Variants in KDM4C observed in about 807,000 individuals in gnomAD.
The protein encoded by KDM4C is lysine demethylase 4C.
In KDM4C, 81 loss-of-function variants were observed where a neutral mutation model predicts 129.3. The ratio of observed to expected loss-of-function variants is 0.63; its 90% CI spans 0.52 to 0.75. The LOEUF (loss-of-function observed/expected upper bound fraction) is 0.75. Among genes scored for constraint, KDM4C ranks in the 30% least tolerant of loss-of-function variants. KDM4C has a pLI of 0.00. For missense variants in KDM4C, 1,457 were observed against 1,304.0 expected, an observed-to-expected ratio of 1.12 and a Z score of -1.81; for synonymous variants, 573 against 456.1, an observed-to-expected ratio of 1.26 and a Z score of -3.26.
intron 18 of KDM4C, among the ~76,000 whole-genome samples, chr9:7,106,326 C>A (rs1456208539): frequency 6.6e-6 from 1 of 152,188 alleles, no homozygotes; most frequent in African/African-American, 2.4e-5. Context: ...CTTCTTAGAG[C>A]AGAAACTGTA....
At position 6,942,982 on chromosome 9, in the gene KDM4C, T is replaced by A. The variant is rs138556494; in HGVS notation, c.922-37943T>A. ...CTGGTTTCAAATGACCCTCCCACCT[T>A]AGCCTCCTGAGTAGCTACGACTACA... On this transcript the variant is annotated intron_variant, in intron 8 of 21. Coordinates refer to ENST00000381309, the MANE Select transcript of KDM4C (RefSeq NM_015061.6). Among the ~76,000 whole-genome samples the A allele has an allele frequency of 3.2e-3, 487 of 152,148 alleles. 3 individuals carry two copies. The highest frequency in any genetic ancestry group is 0.01 in the African/African-American group (433 of 41,506).
intron 4 of KDM4C, among the ~76,000 whole-genome samples, chr9:6,836,924 T>G (rs893240182): frequency 2.6e-5 from 4 of 152,244 alleles, no homozygotes; most frequent in African/African-American, 9.6e-5. Flanking sequence ...GTACCTGATG[T>G]ACATGTGTAA....
intron 15 of KDM4C, among the ~76,000 whole-genome samples, chr9:7,041,174 C>G (rs1431799753): frequency 6.6e-6 from 1 of 151,956 alleles, no homozygotes. Flanking sequence ...ATGGTTGTGT[C>G]TGTACTCAAC....
chr9:7,160,118 G>A (rs759683459), intron 19 of KDM4C, among the ~76,000 whole-genome samples: 4 of 151,922 alleles, frequency 2.6e-5, no homozygotes, highest in African/African-American at 9.7e-5. Context: ...CCACTTGATC[G>A]AGTTGGCTGT....
intron 4 of KDM4C, among the ~76,000 whole-genome samples, chr9:6,819,804 C>T (rs1203439114): frequency 1.3e-5 from 2 of 152,030 alleles, no homozygotes; most frequent in Non-Finnish European, 2.9e-5. Flanking sequence ...TTTAAAAAGC[C>T]CATGGATTGT....
intron 8 of KDM4C, chr9:6,948,015 T>C (rs1827285924): frequency 6.6e-6 from 1 of 152,208 alleles, no homozygotes; most frequent in African/African-American, 2.4e-5. Context: ...TGTAATTTGA[T>C]TTCCTGTTTT....
At chr9:7,158,923 C>G (rs1564191538) in intron 19 of KDM4C, among the ~76,000 whole-genome samples, 1 of 152,104 alleles carries the variant, frequency 6.6e-6, no homozygotes, top group East Asian at 1.9e-4. Flanking sequence ...GTTGATCTGT[C>G]TAATATTGAC....
intron 2 of KDM4C, among the ~76,000 whole-genome samples, chr9:6,799,137 G>C (rs1828400448): frequency 6.6e-6 from 1 of 152,104 alleles, no homozygotes; most frequent in South Asian, 2.1e-4. Flanking sequence ...GCCAGGCAGA[G>C]ACACTCCTCA....
intron 1 of KDM4C, among the ~76,000 whole-genome samples, chr9:6,785,680 G>A (rs535671624): frequency 3.9e-5 from 6 of 152,322 alleles, no homozygotes; most frequent in South Asian, 2.1e-4. Context: ...GATCAGGGCC[G>A]ACCCTAATCA....
intron 8 of KDM4C, among the ~76,000 whole-genome samples, chr9:6,930,716 A>G (rs1423789996): frequency 1.2e-5 from 1 of 82,514 alleles, no homozygotes; most frequent in Non-Finnish European, 3.2e-5. Flanking sequence ...TGATTATACT[A>G]TTATTATAAT....
intron 9 of KDM4C, chr9:6,982,195 C>G (rs1025327016): frequency 2.0e-5 from 3 of 150,524 alleles, no homozygotes; most frequent in Non-Finnish European, 4.4e-5. Flanking sequence ...TTTGCCCAGA[C>G]TTATGATGCT....
intron 18 of KDM4C, among the ~76,000 whole-genome samples, chr9:7,122,567 G>C (rs2133304385): frequency 6.6e-6 from 1 of 152,192 alleles, no homozygotes; most frequent in East Asian, 1.9e-4. Flanking sequence ...CATCTATTTA[G>C]TCAAAATAAA....
At chr9:6,852,846 T>A (rs1839101360) in intron 5 of KDM4C, among the ~76,000 whole-genome samples, 2 of 152,156 alleles carry the variant, frequency 1.3e-5, no homozygotes, top group African/African-American at 4.8e-5. Flanking sequence ...ATGTTTCACT[T>A]AGGGTTTGCT....
chr9:6,755,896 C>A (rs1270008600), upstream of KDM4C, among the ~76,000 whole-genome samples: 1 of 152,112 alleles, frequency 6.6e-6, no homozygotes. Flanking sequence ...TGCTTTACAG[C>A]TTTTGAAGTG....
chr9:6,844,562 C>T (rs1029337232), intron 4 of KDM4C, among the ~76,000 whole-genome samples: 6 of 152,198 alleles, frequency 3.9e-5, no homozygotes, highest in African/African-American at 1.4e-4. Flanking sequence ...TTGGGAAATG[C>T]AGAGTTAAAC....
intron 8 of KDM4C, among the ~76,000 whole-genome samples, chr9:6,910,696 C>T (rs145883392): frequency 0.01 from 1,546 of 152,316 alleles, 19 homozygotes; most frequent in Non-Finnish European, 0.014. Flanking sequence ...CCCTGTGACC[C>T]TGCATCCACA....
chr9:6,964,082 CATTTT>C (rs1344514887), intron 8 of KDM4C, among the ~76,000 whole-genome samples: 2 of 152,150 alleles, frequency 1.3e-5, no homozygotes, highest in East Asian at 1.9e-4. Flanking sequence ...TCTTTATTGT[CATTTT>C]ATTTTATTTA....
intron 17 of KDM4C, among the ~76,000 whole-genome samples, chr9:7,062,980 G>A (rs1831919149): frequency 6.6e-6 from 1 of 152,042 alleles, no homozygotes; most frequent in Non-Finnish European, 1.5e-5. Context: ...GACCTAAGAA[G>A]CACAAACTTT....
chr9:6,882,857 C>G (rs1440910024), intron 6 of KDM4C, among the ~76,000 whole-genome samples: 1 of 151,590 alleles, frequency 6.6e-6, no homozygotes, highest in African/African-American at 2.4e-5. Flanking sequence ...GGCTAGTAAT[C>G]TTGATTTTAA....
Sources: allele counts gnomAD v4.1 joint callset (sites outside exome capture counted in the v4.1 genomes callset), GRCh38; gene constraint gnomAD v4.1.1; transcripts MANE v1.5; gene names NCBI Gene and HGNC (gene_info 2026-07-23, HGNC 2026-07-21).